The following MYO6 variants were observed in gnomAD, a reference collection of about 807,000 sequenced individuals.
MYO6 encodes myosin VI.
MYO6 carries 74 observed loss-of-function variants against 178.7 expected under a neutral mutation model. That is an observed-to-expected ratio of 0.41 (90% CI 0.34 to 0.50). MYO6 has a LOEUF of 0.50. MYO6 is among the 20% of genes least tolerant of loss of function. MYO6 has a pLI of 0.09. For synonymous variants in MYO6, 477 were observed against 504.6 expected, an observed-to-expected ratio of 0.95 and a Z score of 0.73; for missense variants, 1,330 against 1,547.4, an observed-to-expected ratio of 0.86 and a Z score of 2.36.
intron 1 of MYO6, among the ~76,000 whole-genome samples, chr6:75,790,347 T>G (rs1400866826): frequency 2.0e-5 from 3 of 152,176 alleles, no homozygotes; most frequent in Non-Finnish European, 4.4e-5. Context: ...GTTTTCTAAT[T>G]CTGTAGGCAG....
chr6:75,897,269 G>C (rs144969947), intron 29 of MYO6, among the ~76,000 whole-genome samples: 1 of 152,218 alleles, frequency 6.6e-6, no homozygotes, highest in Non-Finnish European at 1.5e-5. Context: ...AAAATCTGCT[G>C]CATTTAAAAG....
chr6:75,801,958 A>G (rs1362070360), intron 1 of MYO6, among the ~76,000 whole-genome samples: 2 of 151,968 alleles, frequency 1.3e-5, no homozygotes, highest in Non-Finnish European at 2.9e-5. Context: ...AAAAAATGTG[A>G]TTCTCATCTT....
chr6:75,805,024 T>A lies in MYO6; in HGVS notation c.-47-12477T>A, dbSNP rs60163140. On this transcript the variant is annotated intron_variant, in intron 1 of 34. Transcript: ENST00000369977. ...ACACATATATATATATATATATATT[T>A]TTTTTTTTTTTTTTTTTGAGACAGA... 8.4e-3 allele frequency among the ~76,000 whole-genome samples: 1,020 copies of A among 122,006 alleles called. 8 individuals carry two copies. The highest frequency in any genetic ancestry group is 0.039 in the East Asian group (148 of 3,818). 80.0% of individuals were successfully genotyped at this position (122,006 alleles called of 152,430 possible).
chr6:75,752,556 A>C (rs1776990526), intron 1 of MYO6, among the ~76,000 whole-genome samples: 1 of 152,188 alleles, frequency 6.6e-6, no homozygotes, highest in South Asian at 2.1e-4. Context: ...TTTCCACCAG[A>C]ACAGTTTGCC....
chr6:75,864,380 T>C lies in MYO6; in HGVS notation c.1674+1657T>C, dbSNP rs12664146. Among the ~76,000 whole-genome samples, 2,035 of 152,328 alleles carry C rather than the reference T, an allele frequency of 0.013. 76 individuals carry two copies. In the East Asian group the frequency reaches 0.15, roughly 11 times the overall value. The stretch of plus-strand genomic sequence containing the variant: ...TAAAATCTCACATCCACCTGCTCCA[T>C]TGACTTGCAATTCTTCTGTATCCCT... On this transcript the variant is annotated intron_variant, in intron 16 of 34. Transcript: ENST00000369977.
At chr6:75,793,902 C>A in intron 1 of MYO6, among the ~76,000 whole-genome samples, 1 of 152,130 alleles carries the variant, frequency 6.6e-6, no homozygotes, top group East Asian at 1.9e-4. Flanking sequence ...TCATAGGTCT[C>A]CATGTACTTA....
intron 30 of MYO6, among the ~76,000 whole-genome samples, chr6:75,900,124 C>A (rs1008975984): frequency 6.6e-6 from 1 of 151,756 alleles, no homozygotes; most frequent in African/African-American, 2.4e-5. Context: ...TTTTCTTAAT[C>A]CAATCTATCA....
chr6:75,824,702 G>A (rs1334225774), intron 3 of MYO6, among the ~76,000 whole-genome samples: 1 of 152,024 alleles, frequency 6.6e-6, no homozygotes, highest in African/African-American at 2.4e-5. Flanking sequence ...TGAAACAGAA[G>A]TAGTGCCTTA....
chr6:75,781,026 C>G (rs189938981), intron 1 of MYO6, among the ~76,000 whole-genome samples: 4 of 151,872 alleles, frequency 2.6e-5, no homozygotes, highest in South Asian at 2.1e-4. Context: ...TTGGCCAGGT[C>G]GGTCTCAAAC....
chr6:75,887,984 A>AC (rs952500429), intron 25 of MYO6, among the ~76,000 whole-genome samples: 18 of 148,374 alleles, frequency 1.2e-4, no homozygotes, highest in African/African-American at 4.5e-4. Context: ...GTCTCAAAAA[A>AC]AATAAATAAA....
At chr6:75,902,589 G>T (rs1475536568) in intron 30 of MYO6, among the ~76,000 whole-genome samples, 12 of 151,942 alleles carry the variant, frequency 7.9e-5, no homozygotes, top group East Asian at 1.9e-4. Flanking sequence ...TATCATTTTT[G>T]ATTGCGTCTA....
intron 3 of MYO6, among the ~76,000 whole-genome samples, chr6:75,827,864 A>G (rs1292424828): frequency 6.6e-6 from 1 of 152,192 alleles, no homozygotes. Flanking sequence ...AACAGAAACA[A>G]GGTGGTTGAG....
intron 1 of MYO6, among the ~76,000 whole-genome samples, chr6:75,787,024 T>C (rs555890471): frequency 1.4e-4 from 21 of 152,362 alleles, no homozygotes; most frequent in African/African-American, 4.8e-4. Context: ...TAGTCTCACG[T>C]CATCTGGAAT....
At chr6:75,870,587 C>T in intron 18 of MYO6, 60 bp from the exon 19 acceptor site, 1 of 1,331,550 alleles carries the variant, frequency 7.5e-7, no homozygotes, top group Non-Finnish European at 1.1e-6. Context: ...CTAATATTAA[C>T]TCATGACACT....
chr6:75,915,023 C>T lies in MYO6; in HGVS notation c.*11C>T, dbSNP rs774216540. The T allele has an allele frequency of 5.0e-6, 8 of 1,608,574 alleles. No homozygotes were observed. In the Admixed American group the frequency reaches 1.3e-4, roughly 27 times the overall value. On this transcript the variant is annotated 3_prime_UTR_variant, in exon 35 of 35. Coordinates refer to ENST00000369977, the MANE Select transcript of MYO6 (RefSeq NM_004999.4). ...AGTCTGTTAAAGTAGATGTTGCACA[C>T]CAGCCTTACAGCTGGGAGCCTTTGC...
intron 20 of MYO6, among the ~76,000 whole-genome samples, chr6:75,877,945 A>G (rs1777692010): frequency 6.6e-6 from 1 of 152,196 alleles, no homozygotes; most frequent in Non-Finnish European, 1.5e-5. Flanking sequence ...TTAGATGCAT[A>G]CATTTCCAAA....
chr6:75,889,967 G>A (rs1778772721), intron 25 of MYO6, 90 bp from the exon 26 acceptor site: 1 of 975,746 alleles, frequency 1.0e-6, no homozygotes, highest in Non-Finnish European at 1.6e-6. Flanking sequence ...CCATTTTTCA[G>A]TTTATAATTC....
At chr6:75,795,929 T>C (rs1431706048) in intron 1 of MYO6, among the ~76,000 whole-genome samples, 4 of 152,214 alleles carry the variant, frequency 2.6e-5, no homozygotes, top group Non-Finnish European at 5.9e-5. Flanking sequence ...CTACTGAATT[T>C]GCTTTTTAAT....
chr6:75,868,565 G>A (rs1341037816), intron 18 of MYO6, among the ~76,000 whole-genome samples: 3 of 151,914 alleles, frequency 2.0e-5, no homozygotes, highest in Non-Finnish European at 4.4e-5. Context: ...TTAATACAAT[G>A]TATTTTTTTA....
Sources: gnomAD v4.1 joint callset for allele counts (sites outside exome capture counted in the v4.1 genomes callset) on GRCh38, gnomAD v4.1.1 for gene constraint, MANE v1.5 for transcripts, NCBI Gene and HGNC (gene_info 2026-07-23, HGNC 2026-07-21) for gene names.